Variants in RRAGC observed in about 807,000 individuals in gnomAD.
The protein encoded by RRAGC is Ras related GTP binding C, also known as ras-related GTP-binding protein C.
Under a neutral mutation model 37.1 loss-of-function variants are expected in RRAGC, and 8 were observed. That is an observed-to-expected ratio of 0.22 (90% confidence interval 0.13 to 0.39). RRAGC has a LOEUF of 0.39. Ranked by LOEUF, RRAGC falls within the 10% of genes least tolerant of loss-of-function variation. The pLI, the probability that RRAGC is intolerant of heterozygous loss-of-function variation, is 1.00. For synonymous variants in RRAGC, 190 were observed against 181.1 expected, an observed-to-expected ratio of 1.05 and a Z score of -0.39; for missense variants, 342 against 497.6, an observed-to-expected ratio of 0.69 and a Z score of 2.98.
At chr1:38,853,946 T>C (rs1361758008) in intron 3 of RRAGC, among the ~76,000 whole-genome samples, 2 of 152,038 alleles carry the variant, frequency 1.3e-5, no homozygotes, top group Non-Finnish European at 2.9e-5. Flanking sequence ...CTTTGAGGCT[T>C]GAGGTAAATG....
intron 1 of RRAGC, among the ~76,000 whole-genome samples, chr1:38,858,973 C>A (rs2124237496): frequency 6.6e-6 from 1 of 152,370 alleles, no homozygotes; most frequent in South Asian, 2.1e-4. Context: ...AGTCACAACT[C>A]TTCCTGACGC....
intron 6 of RRAGC, among the ~76,000 whole-genome samples, chr1:38,840,412 T>C (rs1401384147): frequency 6.6e-6 from 1 of 152,278 alleles, no homozygotes; most frequent in South Asian, 2.1e-4. Flanking sequence ...CACAGCACGA[T>C]AGAGGGTACA....
chr1:38,857,301 C>A (rs531411202), intron 1 of RRAGC, among the ~76,000 whole-genome samples: 1 of 152,270 alleles, frequency 6.6e-6, no homozygotes, highest in East Asian at 1.9e-4. Context: ...GGAGCTAAAT[C>A]TTTTCTCCTA....
chr1:38,846,556 A>G (rs1040115897), intron 5 of RRAGC: 3 of 152,598 alleles, frequency 2.0e-5, no homozygotes, highest in African/African-American at 4.8e-5. Flanking sequence ...CACAGAAAAC[A>G]TATTTTTTGC....
chr1:38,839,387 C>T lies in RRAGC; in HGVS notation c.*166G>A. The T allele has an allele frequency of 1.8e-6, 1 of 568,962 alleles. No homozygotes were observed. The highest frequency in any genetic ancestry group is 3.4e-5 in the South Asian group (1 of 29,090). 35.2% of individuals were successfully genotyped at this position (568,962 alleles called of 1,614,324 possible). On this transcript the variant is annotated 3_prime_UTR_variant, in exon 7 of 7. Coordinates refer to ENST00000373001, the MANE Select transcript of RRAGC (RefSeq NM_022157.4). The stretch of plus-strand genomic sequence containing the variant: ...AAGATATAGTAGCTTCAGTTGTACA[C>T]CACCAGTTGAAGGGGTTTTCATCCA...
At chr1:38,850,512 T>TAATAAATAAATAAATA (rs3072435) in intron 5 of RRAGC, among the ~76,000 whole-genome samples, 12 of 147,906 alleles carry the variant, frequency 8.1e-5, no homozygotes, top group Admixed American at 3.4e-4. Flanking sequence ...AGACTCCGTT[T>TAATAAATAAATAAATA]AATAAATAAA....
Position 38,839,228 on chromosome 1 carries a change from A to G in RRAGC, c.*325T>C. The G allele has an allele frequency of 4.2e-6, 1 of 237,240 alleles. No individual in the cohort carries two copies. The highest frequency in any genetic ancestry group is 8.0e-6 in the Non-Finnish European group (1 of 124,824). 14.7% of individuals were successfully genotyped at this position (237,240 alleles called of 1,614,324 possible). On this transcript the variant is annotated 3_prime_UTR_variant, in exon 7 of 7. Coordinates refer to ENST00000373001, the MANE Select transcript of RRAGC (RefSeq NM_022157.4). ...GGAATTGATGGCAACATTCCCTGGT[A>G]AGGATGGGTAACTGGTGTTATCTCC...
chr1:38,851,344 C>T (rs1457130911), intron 5 of RRAGC, among the ~76,000 whole-genome samples: 1 of 152,216 alleles, frequency 6.6e-6, no homozygotes, highest in Non-Finnish European at 1.5e-5. Flanking sequence ...GCAACCCTCC[C>T]CCATCCCCAC....
chr1:38,856,934 T>C lies in RRAGC; in HGVS notation c.386A>G (p.Asp129Gly). The part of the protein sequence containing the change: ...GQMDFFDPTF[D>G]YEMIFRGTGA... Reference sequence around the variant, plus strand: ...TGTTCCCCTGAAGATCATCTCATAGTCAAAGGTTGGGTCAAAAAAGTCCAT... The same window carrying C: ...TGTTCCCCTGAAGATCATCTCATAGCCAAAGGTTGGGTCAAAAAAGTCCAT... Residue 129 changes from aspartate (D) to glycine (G), a missense_variant, in exon 2 of 7, where the codon GAC (aspartate) becomes GGC (glycine). Physicochemically the swap from Asp to Gly is moderately conservative, Grantham distance 94. Around this residue, in one of 3 missense-constraint regions of RRAGC, gnomAD observed 134 missense variants for 277.2 expected, o/e 0.48. Coordinates refer to ENST00000373001, the MANE Select transcript of RRAGC (RefSeq NM_022157.4). 1 of 1,614,192 alleles carries C rather than the reference T, an allele frequency of 6.2e-7. No individual in the cohort carries two copies. Among genetic ancestry groups the C allele is most frequent in the Non-Finnish European group, 8.5e-7 (1 of 1,180,040 alleles).
chr1:38,858,940 A>C lies in RRAGC; in HGVS notation c.237+470T>G, dbSNP rs147992698. Among the ~76,000 whole-genome samples, 73 of 152,376 alleles carry C rather than the reference A, an allele frequency of 4.8e-4. 1 individual carries two copies. The East Asian group carries it at 0.013, about 28-fold the overall frequency. ...CGAAGTCTCCTTCACATCAGTAGCG[A>C]GAATTACAACGCCCAGTGTCTTAGT... On this transcript the variant is annotated intron_variant, in intron 1 of 6. Transcript: ENST00000373001.
chr1:38,855,957 G>A, intron 2 of RRAGC, 50 bp from the exon 3 acceptor site: 1 of 1,390,558 alleles, frequency 7.2e-7, no homozygotes, highest in African/African-American at 1.4e-5. Flanking sequence ...CAAAAGCCAA[G>A]TAATGAGTTA....
intron 6 of RRAGC, 99 bp downstream of exon 6, chr1:38,845,840 T>C (rs757106769): frequency 2.0e-6 from 2 of 982,556 alleles, no homozygotes; most frequent in East Asian, 2.7e-5. Context: ...TGATAGCTAT[T>C]TGTCTAACAC....
intron 5 of RRAGC, chr1:38,847,844 C>T (rs900663739): frequency 2.6e-5 from 4 of 152,072 alleles, no homozygotes; most frequent in African/African-American, 9.7e-5. Context: ...GAGTTCAAAA[C>T]CAGTCTGGGC....
At chr1:38,841,982 A>G (rs1449875334) in intron 6 of RRAGC, among the ~76,000 whole-genome samples, 1 of 152,164 alleles carries the variant, frequency 6.6e-6, no homozygotes, top group East Asian at 1.9e-4. Flanking sequence ...TAAAAATACA[A>G]AAAATTAGCT....
intron 1 of RRAGC, 100 bp downstream of exon 1, chr1:38,859,310 G>C: frequency 1.8e-6 from 2 of 1,100,736 alleles, no homozygotes; most frequent in Admixed American, 2.5e-5. Flanking sequence ...CGGAGGGACG[G>C]AGCGCAGGCG....
chr1:38,856,785 A>G (rs1221082227), intron 2 of RRAGC, 94 bp downstream of exon 2: 1 of 1,224,864 alleles, frequency 8.2e-7, no homozygotes, highest in Middle Eastern at 2.1e-4. Context: ...CAAAGAGATA[A>G]GCTGCAACCA....
chr1:38,850,471 G>A (rs1206567205), intron 5 of RRAGC, among the ~76,000 whole-genome samples: 4 of 151,224 alleles, frequency 2.6e-5, no homozygotes, highest in South Asian at 2.1e-4. Context: ...CCAAGATCGC[G>A]CCACCACACT....
In RRAGC at chr1:38,859,732, G is replaced by A. The variant is rs1040432287; in HGVS notation, c.-86C>T. 2.1e-5 allele frequency: 24 copies of A among 1,156,724 alleles called. No homozygotes were observed. In the East Asian group the frequency reaches 7.1e-4, roughly 34 times the overall value. 71.7% of individuals were successfully genotyped at this position (1,156,724 alleles called of 1,614,324 possible). A position where few individuals can be genotyped will look rare whatever the true frequency, so the allele number is the denominator to read the frequency against. On this transcript the variant is annotated 5_prime_UTR_variant, in exon 1 of 7. Coordinates refer to ENST00000373001, the MANE Select transcript of RRAGC (RefSeq NM_022157.4). ...GCCTCCCCAGTCCGCCTCCGCCGCC[G>A]CCGCCACCACCGCCACCGCCCCCGG...
In RRAGC at chr1:38,859,528, G is replaced by T; in HGVS notation, c.119C>A (p.Ala40Glu). 1.0e-6 allele frequency: 1 copy of T among 978,638 alleles called. No individual in the cohort carries two copies. Among genetic ancestry groups the T allele is most frequent in the Non-Finnish European group, 1.5e-6 (1 of 686,880 alleles). The allele number at this position is 978,638 out of a possible 1,614,324, so 60.6% of individuals were successfully genotyped here. A position where few individuals can be genotyped will look rare whatever the true frequency, so the allele number is the denominator to read the frequency against. The change falls in exon 1 of 7, where the codon GCG becomes GAG. Residue 40 changes from alanine (A) to glutamate (E), a missense_variant. Ala to Glu is a moderately radical substitution (Grantham distance 107). Coordinates refer to ENST00000373001, the MANE Select transcript of RRAGC (RefSeq NM_022157.4). The part of the protein sequence containing the change: ...VEEEEEEAAA[A>E]GGGVGAGAGG... Reference sequence around the variant, plus strand: ...TGCCCCTGCCCCAACCCCTCCGCCCGCCGCCGCCGCCTCCTCTTCCTCCTC... The same window carrying T: ...TGCCCCTGCCCCAACCCCTCCGCCCTCCGCCGCCGCCTCCTCTTCCTCCTC...
Sources: gnomAD v4.1 joint callset for allele counts (sites outside exome capture counted in the v4.1 genomes callset) on GRCh38, gnomAD v4.1.1 for gene constraint, gnomAD v4.1.1 regional missense constraint, MANE v1.5 for transcripts, NCBI Gene and HGNC (gene_info 2026-07-23, HGNC 2026-07-21) for gene names.